Variants in PIK3CB observed in about 807,000 individuals in gnomAD.
PIK3CB encodes phosphatidylinositol 4,5-bisphosphate 3-kinase catalytic subunit beta isoform.
Under a neutral mutation model 136.8 loss-of-function variants are expected in PIK3CB, and 39 were observed. That is an observed-to-expected ratio of 0.29 (90% CI 0.22 to 0.37). PIK3CB has a LOEUF of 0.37. Ranked by LOEUF, PIK3CB falls within the 10% of genes least tolerant of loss-of-function variation. The pLI is 1.00. For missense variants in PIK3CB, 868 were observed against 1,275.4 expected (o/e 0.68, Z 4.87); for synonymous variants, 428 against 436.6 (o/e 0.98, Z 0.25).
chr3:138,780,811 A>G (rs1303938161), intron 2 of PIK3CB, among the ~76,000 whole-genome samples: 2 of 152,024 alleles, frequency 1.3e-5, no homozygotes, highest in African/African-American at 2.4e-5. Flanking sequence ...TGAGACTACA[A>G]GCATACACCA....
At chr3:138,823,478 G>A (rs1170825641) in intron 1 of PIK3CB, among the ~76,000 whole-genome samples, 1 of 151,892 alleles carries the variant, frequency 6.6e-6, no homozygotes, top group Non-Finnish European at 1.5e-5. Flanking sequence ...GTAGAGGTGG[G>A]CAGATCACGA....
intron 2 of PIK3CB, among the ~76,000 whole-genome samples, chr3:138,790,666 TA>T (rs1172437530): frequency 6.7e-6 from 1 of 149,374 alleles, no homozygotes; most frequent in East Asian, 2.0e-4. Context: ...AAAAAAAAAT[TA>T]ACTGGGCGTG....
At chr3:138,744,819 A>T (rs2045320866) in intron 4 of PIK3CB, among the ~76,000 whole-genome samples, 1 of 152,132 alleles carries the variant, frequency 6.6e-6, no homozygotes, top group African/African-American at 2.4e-5. Context: ...CTTCCTCATC[A>T]TCTGGCACTG....
intron 17 of PIK3CB, 58 bp from the exon 18 acceptor site, chr3:138,683,845 T>C (rs2043829651): frequency 2.2e-6 from 2 of 900,464 alleles, no homozygotes. Context: ...AAGATTATAA[T>C]TTTACCACTA....
chr3:138,823,842 C>A (rs983793789), intron 1 of PIK3CB, among the ~76,000 whole-genome samples: 2 of 152,298 alleles, frequency 1.3e-5, no homozygotes, highest in South Asian at 4.1e-4. Context: ...AGAGCTCATT[C>A]ATTTAAGCAA....
chr3:138,734,940 TAA>T (rs370111010), intron 6 of PIK3CB, 136 bp from the exon 7 acceptor site: 73 of 268,508 alleles, frequency 2.7e-4, no homozygotes, highest in East Asian at 1.1e-3. Context: ...ATCAAGAAAT[TAA>T]AAAAAAAAAA....
rs868539128 is a variant in PIK3CB, at chr3:138,730,058, G to T, written c.1050+3303C>A. Reference sequence around the variant, plus strand: ...CCTGTGTAGCAAGGTATATCTACAGGAAAATCATGTCATAATTACATTTAA... The same window carrying T: ...CCTGTGTAGCAAGGTATATCTACAGTAAAATCATGTCATAATTACATTTAA... On this transcript the variant is annotated intron_variant, in intron 8 of 23. Transcript: ENST00000674063. Among the ~76,000 whole-genome samples, 5 of 152,182 alleles carry T rather than the reference G, an allele frequency of 3.3e-5. No homozygotes were observed. In the Middle Eastern group the frequency reaches 0.01, roughly 311 times the overall value.
At chr3:138,716,707 C>T (rs2044611989) in intron 8 of PIK3CB, among the ~76,000 whole-genome samples, 1 of 151,350 alleles carries the variant, frequency 6.6e-6, no homozygotes, top group Non-Finnish European at 1.5e-5. Flanking sequence ...ACCAGCCTGG[C>T]CAACATGGTG....
chr3:138,744,287 C>T (rs930764192), intron 4 of PIK3CB, among the ~76,000 whole-genome samples: 48 of 145,422 alleles, frequency 3.3e-4, no homozygotes, highest in Admixed American at 3.1e-3. Context: ...CCCAGCTACT[C>T]GGGAGGCTGA....
intron 1 of PIK3CB, among the ~76,000 whole-genome samples, chr3:138,818,856 A>T (rs1354793596): frequency 6.6e-6 from 1 of 152,220 alleles, no homozygotes; most frequent in Non-Finnish European, 1.5e-5. Context: ...TATGTTATAT[A>T]GAGTCTTAAC....
chr3:138,728,491 A>G (rs538521705), intron 8 of PIK3CB, among the ~76,000 whole-genome samples: 2 of 152,276 alleles, frequency 1.3e-5, no homozygotes, highest in Admixed American at 1.3e-4. Context: ...TTGAAAACCA[A>G]TGGATGCCAG....
chr3:138,802,285 C>G (rs944696424), intron 1 of PIK3CB, among the ~76,000 whole-genome samples: 1 of 150,176 alleles, frequency 6.7e-6, no homozygotes, highest in African/African-American at 2.4e-5. Flanking sequence ...GAGGCTGAGG[C>G]AGAAGAACTG....
At chr3:138,731,137 A>G (rs535225459) in intron 8 of PIK3CB, among the ~76,000 whole-genome samples, 2 of 152,308 alleles carry the variant, frequency 1.3e-5, no homozygotes, top group East Asian at 3.9e-4. Context: ...TCATATGTTT[A>G]TATATATTTT....
chr3:138,734,827 G>A, intron 6 of PIK3CB, 23 bp from the exon 7 acceptor site: 1 of 1,536,592 alleles, frequency 6.5e-7, no homozygotes, highest in Non-Finnish European at 8.8e-7. Flanking sequence ...GAAAGGGGAA[G>A]GTATTGATTT....
chr3:138,788,039 C>T (rs2046001370), intron 2 of PIK3CB, among the ~76,000 whole-genome samples: 1 of 151,722 alleles, frequency 6.6e-6, no homozygotes, highest in Non-Finnish European at 1.5e-5. Flanking sequence ...TCTCCTGCCT[C>T]AGCCTCCCAA....
At chr3:138,691,447 C>T (rs1489722225) in intron 14 of PIK3CB, among the ~76,000 whole-genome samples, 3 of 152,158 alleles carry the variant, frequency 2.0e-5, no homozygotes, top group Non-Finnish European at 4.4e-5. Context: ...ATTATAATCC[C>T]TATAATTCCC....
chr3:138,730,153 G>A (rs770701304), intron 8 of PIK3CB, among the ~76,000 whole-genome samples: 6 of 152,166 alleles, frequency 3.9e-5, no homozygotes, highest in Non-Finnish European at 5.9e-5. Context: ...TGCTAGGTAC[G>A]GTGGGGTGAG....
chr3:138,780,494 C>T (rs1334054146), intron 2 of PIK3CB, among the ~76,000 whole-genome samples: 2 of 152,078 alleles, frequency 1.3e-5, no homozygotes, highest in African/African-American at 2.4e-5. Flanking sequence ...TGGTTTCGAT[C>T]TCTTGACCTC....
At chr3:138,710,431 GAATTAAAAAATTCA>G (rs2044473477) in intron 10 of PIK3CB, among the ~76,000 whole-genome samples, 2 of 152,114 alleles carry the variant, frequency 1.3e-5, no homozygotes, top group South Asian at 4.1e-4. Flanking sequence ...ACAAAGCCAT[GAATTAAAAAATTCA>G]AATTCAAATT....
Sources: gnomAD v4.1 joint callset for allele counts (sites outside exome capture counted in the v4.1 genomes callset) on GRCh38, gnomAD v4.1.1 for gene constraint, MANE v1.5 for transcripts, NCBI Gene and HGNC (gene_info 2026-07-23, HGNC 2026-07-21) for gene names.